Variants in STPG2 observed in about 807,000 individuals in gnomAD.
STPG2 encodes the protein sperm tail PG-rich repeat containing 2, also known as sperm-tail PG-rich repeat-containing protein 2.
A neutral mutation model predicts 54.2 loss-of-function variants in STPG2; 56 were observed. The ratio of observed to expected loss-of-function variants is 1.03; its 90% CI spans 0.83 to 1.29. The LOEUF is 1.29. Ranked by LOEUF, STPG2 falls within the 50% of genes most tolerant of loss-of-function variation. The pLI, the probability that STPG2 is intolerant of heterozygous loss-of-function variation, is 0.00. For synonymous variants in STPG2, 200 were observed against 181.8 expected, an observed-to-expected ratio of 1.10 and a Z score of -0.81; for missense variants, 596 against 544.9, an observed-to-expected ratio of 1.09 and a Z score of -0.93.
chr4:98,086,503 A>C (rs1307595989), intron 5 of STPG2, among the ~76,000 whole-genome samples: 1 of 152,070 alleles, frequency 6.6e-6, no homozygotes, highest in Non-Finnish European at 1.5e-5. Flanking sequence ...CTCCACCAAA[A>C]CAAATTCATT....
At chr4:98,028,277 T>C (rs916568525) in intron 5 of STPG2, among the ~76,000 whole-genome samples, 11 of 152,226 alleles carry the variant, frequency 7.2e-5, no homozygotes, top group Admixed American at 5.2e-4. Flanking sequence ...TGGTTTCTTT[T>C]GGCTTAACAG....
chr4:97,558,986 T>C lies in STPG2; in HGVS notation c.*72A>G. On this transcript the variant is annotated 3_prime_UTR_variant, in exon 11 of 11. Transcript: ENST00000295268. ...TTATTACTCCTATATTTGGAATAAA[T>C]TTTGTTAAAATGACAAAGAAATAAA... The C allele has an allele frequency of 7.8e-7, 1 of 1,275,808 alleles. No individual in the cohort carries two copies. Among genetic ancestry groups the C allele is most frequent in the South Asian group, 1.3e-5 (1 of 77,096 alleles). The allele number at this position is 1,275,808 out of a possible 1,614,324, so 79.0% of individuals were successfully genotyped here. A position where few individuals can be genotyped will look rare whatever the true frequency, so the allele number is the denominator to read the frequency against.
At position 97,861,604 on chromosome 4, in the gene STPG2, G is replaced by A. The variant is rs187639262; in HGVS notation, c.1045-20672C>T. On this transcript the variant is annotated intron_variant, in intron 8 of 10. Transcript: ENST00000295268. ...TGGCCAAAATCTGGAAGCAACTTAC[G>A]CGTCCATCAGGAGACAAATGGATAA... 1.7e-3 allele frequency among the ~76,000 whole-genome samples: 252 copies of A among 152,126 alleles called. 1 individual carries two copies. The highest frequency in any genetic ancestry group is 5.0e-3 in the African/African-American group (207 of 41,524).
At position 98,141,942 on chromosome 4, in the gene STPG2, G is replaced by GAA. The variant is rs3974892; in HGVS notation, c.109+1098_109+1099dup. On this transcript the variant is annotated intron_variant, in intron 1 of 10. Coordinates refer to ENST00000295268, the MANE Select transcript of STPG2 (RefSeq NM_174952.3). ...GACACTCTTCCAAGACAGTAGTTGG[G>GAA]AAAAAAAAAAAAAAAAAAAACAGGA... Among the ~76,000 whole-genome samples, 102 of 96,882 alleles carry GAA rather than the reference G, an allele frequency of 1.1e-3. 5 individuals are homozygous for GAA. The highest frequency in any genetic ancestry group is 2.4e-3 in the South Asian group (6 of 2,542). The allele number at this position is 96,882 out of a possible 152,430, so 63.6% of individuals were successfully genotyped here. A position where few individuals can be genotyped will look rare whatever the true frequency, so the allele number is the denominator to read the frequency against.
chr4:97,601,952 T>C (rs999741134), intron 10 of STPG2, among the ~76,000 whole-genome samples: 6 of 151,738 alleles, frequency 4.0e-5, no homozygotes, highest in East Asian at 3.9e-4. Flanking sequence ...TTTAAATATA[T>C]GTTTATACTT....
At chr4:97,621,820 A>C (rs1419951177) in intron 10 of STPG2, among the ~76,000 whole-genome samples, 1 of 152,178 alleles carries the variant, frequency 6.6e-6, no homozygotes, top group Non-Finnish European at 1.5e-5. Flanking sequence ...TAGCCACACA[A>C]CAAAAAACGA....
intron 9 of STPG2, among the ~76,000 whole-genome samples, chr4:97,735,853 A>T (rs1240542424): frequency 2.0e-5 from 3 of 152,136 alleles, no homozygotes; most frequent in Non-Finnish European, 4.4e-5. Flanking sequence ...TAGCAAAAAC[A>T]CAAATAACTC....
At chr4:98,044,318 T>G (rs550492911) in intron 5 of STPG2, among the ~76,000 whole-genome samples, 1 of 152,178 alleles carries the variant, frequency 6.6e-6, no homozygotes, top group Non-Finnish European at 1.5e-5. Context: ...TTTAGCATCC[T>G]TTCATCTCAA....
At chr4:97,957,761 T>C (rs1387317419) in intron 7 of STPG2, among the ~76,000 whole-genome samples, 1 of 152,160 alleles carries the variant, frequency 6.6e-6, no homozygotes, top group Non-Finnish European at 1.5e-5. Flanking sequence ...TGGGGCCTTA[T>C]CTTCAGCCTC....
intron 5 of STPG2, among the ~76,000 whole-genome samples, chr4:98,061,202 A>C (rs1737643033): frequency 6.6e-6 from 1 of 152,208 alleles, no homozygotes; most frequent in South Asian, 2.1e-4. Flanking sequence ...ATCTATAAGG[A>C]TGCTGTATTA....
rs191662717 is a variant in STPG2 at position 98,126,440 on chromosome 4, G to C, written c.387+1988C>G. 5.7e-3 allele frequency among the ~76,000 whole-genome samples: 861 copies of C among 152,310 alleles called. 6 individuals carry two copies. Among genetic ancestry groups the C allele is most frequent in the Non-Finnish European group, 9.6e-3 (654 of 68,026 alleles). ...AGTTGCAAAGATCCATGAGAAAAGTGTAGTTTCCTGGACAGGGTAACACAA... is the reference window on the plus strand; with the variant it reads ...AGTTGCAAAGATCCATGAGAAAAGTCTAGTTTCCTGGACAGGGTAACACAA... On this transcript the variant is annotated intron_variant, in intron 3 of 10. Coordinates refer to ENST00000295268, the MANE Select transcript of STPG2 (RefSeq NM_174952.3).
intron 4 of STPG2, among the ~76,000 whole-genome samples, chr4:97,444,678 TGAAAGAAG>T (rs1316290193): frequency 1.3e-5 from 2 of 151,810 alleles, no homozygotes; most frequent in African/African-American, 4.8e-5. Context: ...AGCACAGAAA[TGAAAGAAG>T]GAAAGAAGAA....
chr4:98,139,861 TATTTTA>T (rs1470976202), intron 1 of STPG2, among the ~76,000 whole-genome samples: 1 of 152,244 alleles, frequency 6.6e-6, no homozygotes, highest in Non-Finnish European at 1.5e-5. Flanking sequence ...TGGCTCATTA[TATTTTA>T]ATTTTATTTC....
At chr4:97,737,328 T>C (rs1725041339) in intron 9 of STPG2, among the ~76,000 whole-genome samples, 1 of 152,172 alleles carries the variant, frequency 6.6e-6, no homozygotes, top group African/African-American at 2.4e-5. Flanking sequence ...AGGAACACAG[T>C]TCCTCACCAG....
chr4:97,852,967 C>CTTTTTTTTTT lies in STPG2; in HGVS notation c.1045-12045_1045-12036dup, dbSNP rs574886386. 4.3e-5 allele frequency among the ~76,000 whole-genome samples: 3 copies of CTTTTTTTTTT among 69,630 alleles called. 1 individual carries two copies. The highest frequency in any genetic ancestry group is 4.2e-4 in the Admixed American group (2 of 4,754). The allele number at this position is 69,630 out of a possible 152,430, so 45.7% of individuals were successfully genotyped here. On this transcript the variant is annotated intron_variant, in intron 8 of 10. Transcript: ENST00000295268. ...ATGTTCCTATAAATTAACATATTTTCTTTTTTTTTTTTTTTTTTTTTTTTT... is the reference window on the plus strand; with the variant it reads ...ATGTTCCTATAAATTAACATATTTTCTTTTTTTTTTTTTTTTTTTTTTTTTTTTTTTTTTT...
chr4:97,759,854 G>C (rs1725839868), intron 9 of STPG2, among the ~76,000 whole-genome samples: 1 of 152,026 alleles, frequency 6.6e-6, no homozygotes, highest in Admixed American at 6.6e-5. Flanking sequence ...AGGAATTATA[G>C]GCAACTGAAC....
Position 97,597,057 on chromosome 4 carries a change from C to A in STPG2, c.1321-37940G>T, listed in dbSNP as rs112666403. 5.4e-3 allele frequency among the ~76,000 whole-genome samples: 827 copies of A among 152,000 alleles called. 6 individuals are homozygous for A. The highest frequency in any genetic ancestry group is 0.02 in the Middle Eastern group (6 of 294). ...AAAACAGAGAAGGTCCAAATAAACA[C>A]AAGAAAAAATGACAAAGGAGTCATT... On this transcript the variant is annotated intron_variant, in intron 10 of 10. Transcript: ENST00000295268.
At chr4:97,620,049 C>A (rs1560688798) in intron 10 of STPG2, among the ~76,000 whole-genome samples, 1 of 152,046 alleles carries the variant, frequency 6.6e-6, no homozygotes, top group South Asian at 2.1e-4. Flanking sequence ...TGGTCTCGAT[C>A]TCCTGACCTT....
chr4:98,135,221 T>C (rs1740105428), intron 1 of STPG2, among the ~76,000 whole-genome samples: 1 of 151,786 alleles, frequency 6.6e-6, no homozygotes, highest in South Asian at 2.1e-4. Flanking sequence ...TCTTGTATAC[T>C]AAAGGAAAAT....
Sources: allele counts gnomAD v4.1 joint callset (sites outside exome capture counted in the v4.1 genomes callset), GRCh38; gene constraint gnomAD v4.1.1; transcripts MANE v1.5; gene names NCBI Gene and HGNC (gene_info 2026-07-23, HGNC 2026-07-21).